ACTN4: variants seen among roughly 807,000 people sequenced by gnomAD.
The protein encoded by ACTN4 is actinin alpha 4.
In ACTN4, 18 loss-of-function variants were observed where a neutral mutation model predicts 114.2. That is an observed-to-expected ratio of 0.16 (90% CI 0.11 to 0.23). ACTN4 has a LOEUF of 0.23. ACTN4 is among the 10% of genes least tolerant of loss of function. ACTN4 has a pLI of 1.00. For missense variants in ACTN4, 722 were observed against 1,262.9 expected (o/e 0.57, Z 6.49); for synonymous variants, 515 against 506.3 (o/e 1.02, Z -0.23).
chr19:38,724,056 C>T lies in ACTN4; in HGVS notation c.1671C>T (p.Val557=), dbSNP rs1207960306. The change falls in exon 14 of 21, where the codon GTC becomes GTT. Residue 557 remains valine, a synonymous_variant. Transcript: ENST00000252699. This position sits in a 1 kb window ranked among gnomAD's most constrained non-coding sequence, Gnocchi z 7.0. ...AGGACCTCCAGGACATGTTCATCGTCCATACCATCGAGGAGATTGAGGTTC... is the reference window on the plus strand; with the variant it reads ...AGGACCTCCAGGACATGTTCATCGTTCATACCATCGAGGAGATTGAGGTTC... ...AMEDLQDMFI[V]HTIEEIEGLI... 1 of 1,613,856 alleles carries T rather than the reference C, an allele frequency of 6.2e-7. No individual in the cohort carries two copies. Among genetic ancestry groups the T allele is most frequent in the Admixed American group, 1.7e-5 (1 of 60,034 alleles).
chr19:38,663,347 T>C (rs1265843235), intron 1 of ACTN4, among the ~76,000 whole-genome samples: 1 of 152,228 alleles, frequency 6.6e-6, no homozygotes, highest in Admixed American at 6.5e-5. Flanking sequence ...AGCAGAGCTC[T>C]GTGCCGAGCC....
chr19:38,726,058 T>C (rs564297447), intron 17 of ACTN4, among the ~76,000 whole-genome samples, 155 bp downstream of exon 17: 28 of 152,100 alleles, frequency 1.8e-4, no homozygotes, highest in African/African-American at 6.7e-4. Context: ...GGAGGCCAAG[T>C]GGGAGGATGG....
intron 6 of ACTN4, 110 bp downstream of exon 6, chr19:38,708,305 C>A: frequency 7.9e-7 from 1 of 1,262,962 alleles, no homozygotes. Flanking sequence ...GATCTGGGTT[C>A]TGCACGCAGA....
rs1969421242 is a variant in ACTN4 at position 38,729,842 on chromosome 19, A to C, written c.*410A>C. On this transcript the variant is annotated 3_prime_UTR_variant, in exon 21 of 21. Coordinates refer to ENST00000252699, the MANE Select transcript of ACTN4 (RefSeq NM_004924.6). ...CAAAGCCCCATGTGCCTTGTCCAGG[A>C]ACTGCCTGGGCCATGCGAGGGGCCA... The C allele has an allele frequency of 7.9e-6, 3 of 381,640 alleles. No individual in the cohort carries two copies. The highest frequency in any genetic ancestry group is 1.5e-5 in the Non-Finnish European group (3 of 193,876). The allele number at this position is 381,640 out of a possible 1,614,324, so 23.6% of individuals were successfully genotyped here.
chr19:38,710,617 G>C (rs575469559), intron 8 of ACTN4, among the ~76,000 whole-genome samples: 15 of 152,366 alleles, frequency 9.8e-5, no homozygotes, highest in Non-Finnish European at 7.3e-5. Context: ...ATGCTAGTGG[G>C]AGAAACATAC....
intron 12 of ACTN4, 135 bp from the exon 13 acceptor site, chr19:38,723,479 T>G: frequency 1.4e-6 from 1 of 729,410 alleles, no homozygotes; most frequent in Non-Finnish European, 2.5e-6. Context: ...GATTGACCAA[T>G]TAGTGATTGG....
chr19:38,673,724 TAC>T lies in ACTN4; in HGVS notation c.162+25818_162+25819del, dbSNP rs1319358125. On this transcript the variant is annotated intron_variant, in intron 1 of 20. Coordinates refer to ENST00000252699, the MANE Select transcript of ACTN4 (RefSeq NM_004924.6). ...ATTTATATATTTATATATTTATATA[TAC>T]TTATATATATTTATATATTTATATA... Among the ~76,000 whole-genome samples, 16 of 44,406 alleles carry T rather than the reference TAC, an allele frequency of 3.6e-4. 1 individual carries two copies. Among genetic ancestry groups the T allele is most frequent in the East Asian group, 2.0e-3 (3 of 1,526 alleles). The allele number at this position is 44,406 out of a possible 152,430, so 29.1% of individuals were successfully genotyped here.
At chr19:38,711,205 G>A (rs764559179) in intron 8 of ACTN4, 23 of 809,164 alleles carry the variant, frequency 2.8e-5, no homozygotes, top group Admixed American at 6.2e-5. Flanking sequence ...GCCTCAGGCC[G>A]GCCCGGCCGC....
chr19:38,681,172 G>A (rs1967562069), intron 1 of ACTN4, among the ~76,000 whole-genome samples: 2 of 145,628 alleles, frequency 1.4e-5, no homozygotes, highest in East Asian at 2.0e-4. Flanking sequence ...TAAACTCACA[G>A]TGCTGCTGCT....
chr19:38,692,275 A>G (rs999698887), intron 1 of ACTN4, among the ~76,000 whole-genome samples: 10 of 152,220 alleles, frequency 6.6e-5, no homozygotes, highest in African/African-American at 1.2e-4. Context: ...TGGGTCCTGG[A>G]CAGGCTGCCC....
At chr19:38,706,262 C>T (rs1386497732) in intron 5 of ACTN4, 131 bp downstream of exon 5, 14 of 946,652 alleles carry the variant, frequency 1.5e-5, no homozygotes, top group South Asian at 4.1e-5. Flanking sequence ...TCCCTGGCCA[C>T]GGGCCCTACA....
chr19:38,682,414 C>T (rs1021001940), intron 1 of ACTN4, among the ~76,000 whole-genome samples: 2 of 152,048 alleles, frequency 1.3e-5, no homozygotes, highest in African/African-American at 4.8e-5. Flanking sequence ...GAACTCCTGG[C>T]CTCAAGCAGT....
At chr19:38,659,065 C>CTTTTTTTTTTTTTTTTTTTTTTT (rs577141157) in intron 1 of ACTN4, among the ~76,000 whole-genome samples, 163 of 111,658 alleles carry the variant, frequency 1.5e-3, no homozygotes, top group Non-Finnish European at 2.2e-3. Context: ...CTTTTCTTTT[C>CTTTTTTTTTTTTTTTTTTTTTTT]TTTTTTTTTT....
At chr19:38,694,434 A>C (rs2144968824) in intron 1 of ACTN4, among the ~76,000 whole-genome samples, 1 of 151,788 alleles carries the variant, frequency 6.6e-6, no homozygotes, top group Non-Finnish European at 1.5e-5. Flanking sequence ...TAATTTTTGT[A>C]TTTTTAGTAG....
At chr19:38,722,619 C>T (rs1218650442) in intron 12 of ACTN4, among the ~76,000 whole-genome samples, 2 of 152,222 alleles carry the variant, frequency 1.3e-5, no homozygotes, top group Non-Finnish European at 2.9e-5. Flanking sequence ...GCCATCACAG[C>T]ATTTGGCACA....
At chr19:38,718,611 C>G (rs1002343025) in intron 11 of ACTN4, among the ~76,000 whole-genome samples, 8 of 152,310 alleles carry the variant, frequency 5.3e-5, no homozygotes, top group East Asian at 3.9e-4. Flanking sequence ...GCCAGGTCCT[C>G]TTTGTTGCCC....
At chr19:38,718,105 GC>G in intron 11 of ACTN4, 31 bp downstream of exon 11, 1 of 1,584,610 alleles carries the variant, frequency 6.3e-7, no homozygotes, top group Non-Finnish European at 8.6e-7. Context: ...ACTCTGCCCA[GC>G]CCCGCTCCCG....
chr19:38,670,907 G>A (rs1361339345), intron 1 of ACTN4, among the ~76,000 whole-genome samples: 2 of 148,212 alleles, frequency 1.3e-5, no homozygotes, highest in African/African-American at 2.5e-5. Context: ...TGGTGACAGA[G>A]CAATACTCCA....
chr19:38,703,574 C>T (rs534612685), intron 3 of ACTN4, among the ~76,000 whole-genome samples: 4 of 152,254 alleles, frequency 2.6e-5, no homozygotes, highest in Admixed American at 6.5e-5. Context: ...GTTCAGAAAG[C>T]GTGCAGTCTG....
Sources: gnomAD v4.1 joint callset for allele counts (sites outside exome capture counted in the v4.1 genomes callset) on GRCh38, gnomAD v4.1.1 for gene constraint, Gnocchi (gnomAD v3.1) non-coding constraint, MANE v1.5 for transcripts, NCBI Gene and HGNC (gene_info 2026-07-23, HGNC 2026-07-21) for gene names.